The following AVL9 variants were observed in gnomAD, a reference collection of about 807,000 sequenced individuals.
AVL9 encodes AVL9 cell migration associated.
A neutral mutation model predicts 79.2 loss-of-function variants in AVL9; 49 were observed. The ratio of observed to expected loss-of-function variants is 0.62; its 90% CI spans 0.49 to 0.79. The LOEUF is 0.79. AVL9 is among the 30% of genes least tolerant of loss of function. AVL9 has a pLI of 0.00. For missense variants in AVL9, 682 were observed against 776.8 expected, an observed-to-expected ratio of 0.88 and a Z score of 1.45; for synonymous variants, 299 against 280.6, an observed-to-expected ratio of 1.07 and a Z score of -0.65.
At chr7:32,575,442 A>G (rs1791048095) in intron 12 of AVL9, among the ~76,000 whole-genome samples, 1 of 152,216 alleles carries the variant, frequency 6.6e-6, no homozygotes, top group South Asian at 2.1e-4. Context: ...AAATTCAAGA[A>G]TGAAACACCA....
intron 1 of AVL9, among the ~76,000 whole-genome samples, chr7:32,503,680 G>A (rs952788216): frequency 1.5e-5 from 2 of 134,814 alleles, no homozygotes; most frequent in Middle Eastern, 3.8e-3. Flanking sequence ...ATGGCTACAA[G>A]GTTCTTTTTT....
In AVL9 at chr7:32,495,655, CAG is replaced by C. The variant is rs1363096944; in HGVS notation, c.-53_-52del. ...GGCTTTCCGCACACGGTGGGGTCGTCAGACCCGCTGCCCTTGGCGGTCGAAGT... is the reference window on the plus strand; with the variant it reads ...GGCTTTCCGCACACGGTGGGGTCGTCACCCGCTGCCCTTGGCGGTCGAAGT... On this transcript the variant is annotated 5_prime_UTR_variant, in exon 1 of 16. Coordinates refer to ENST00000318709, the MANE Select transcript of AVL9 (RefSeq NM_015060.3). 1.7e-6 allele frequency: 2 copies of C among 1,193,720 alleles called. No homozygotes were observed. Among genetic ancestry groups the C allele is most frequent in the African/African-American group, 3.2e-5 (2 of 63,294 alleles). The allele number at this position is 1,193,720 out of a possible 1,614,324, so 73.9% of individuals were successfully genotyped here. A position where few individuals can be genotyped will look rare whatever the true frequency, so the allele number is the denominator to read the frequency against.
rs966773576 is a variant in AVL9, at chr7:32,553,847, G to C, written c.570+80G>C. ...CTGTTCTTAGTGTGCTCATTTAACT[G>C]CCAAATTCAGTGTGCTAAATTGAAT... On this transcript the variant is annotated intron_variant, in intron 7 of 15. Transcript: ENST00000318709. 7.8e-5 allele frequency: 76 copies of C among 979,670 alleles called. No individual in the cohort carries two copies. The East Asian group carries it at 1.8e-3, about 23-fold the overall frequency. The allele number at this position is 979,670 out of a possible 1,614,324, so 60.7% of individuals were successfully genotyped here.
chr7:32,513,493 C>T (rs1787772398), intron 1 of AVL9, among the ~76,000 whole-genome samples: 1 of 152,222 alleles, frequency 6.6e-6, no homozygotes, highest in African/African-American at 2.4e-5. Context: ...CTCTTTCAAC[C>T]AATTGCCAAT....
At position 32,558,924 on chromosome 7, in the gene AVL9, T is replaced by A; in HGVS notation, c.680-5T>A. On this transcript the variant is annotated splice_polypyrimidine_tract_variant and splice_region_variant and intron_variant, in intron 9 of 15. Coordinates refer to ENST00000318709, the MANE Select transcript of AVL9 (RefSeq NM_015060.3). ...CAAGCTGTTCTTTGATATTGCATATTTTAGGCATGATTGAACATGGTCTCA... is the reference window on the plus strand; with the variant it reads ...CAAGCTGTTCTTTGATATTGCATATATTAGGCATGATTGAACATGGTCTCA... 1.3e-6 allele frequency: 2 copies of A among 1,564,538 alleles called. No individual in the cohort carries two copies. Among genetic ancestry groups the A allele is most frequent in the Non-Finnish European group, 1.7e-6 (2 of 1,158,810 alleles).
chr7:32,580,069 G>T, intron 13 of AVL9, 150 bp from the exon 14 acceptor site: 1 of 622,690 alleles, frequency 1.6e-6, no homozygotes, highest in Non-Finnish European at 2.9e-6. Flanking sequence ...GTGGAGAGCT[G>T]TGACCAAAGC....
At position 32,559,411 on chromosome 7, in the gene AVL9, A is replaced by G. The variant is rs1262118712; in HGVS notation, c.1162A>G (p.Ile388Val). ...ACAGGTAGTCCTGATACCAGGGCTC[A>G]TTTCGGGTTTGGAAGAGGATCAGTA... is the stretch of plus-strand genomic sequence containing the variant. The part of the protein sequence containing the change: ...TGQVVLIPGL[I>V]SGLEEDQYGM... The change falls in exon 10 of 16, where the codon ATT becomes GTT. Residue 388 changes from isoleucine to valine, a missense_variant. By Grantham distance (29) the Ile-to-Val change is conservative. Transcript: ENST00000318709. 6.2e-7 allele frequency: 1 copy of G among 1,607,222 alleles called. No homozygotes were observed.
At position 32,585,526 on chromosome 7, in the gene AVL9, G is replaced by GAAAT. The variant is rs1331834982; in HGVS notation, c.*1621_*1624dup. Reference sequence around the variant, plus strand: ...CCTTTTAGTAACAAGGGATACTTGGGAAATACATTGTGAGTATGATCTATC... The same window carrying GAAAT: ...CCTTTTAGTAACAAGGGATACTTGGGAAATAAATACATTGTGAGTATGATCTATC... On this transcript the variant is annotated 3_prime_UTR_variant, in exon 16 of 16. Transcript: ENST00000318709. The GAAAT allele has an allele frequency of 6.6e-6, 1 of 152,198 alleles. No homozygotes were observed. The highest frequency in any genetic ancestry group is 2.4e-5 in the African/African-American group (1 of 41,440). 9.4% of individuals were successfully genotyped at this position (152,198 alleles called of 1,614,324 possible).
chr7:32,525,056 G>A (rs1014899505), intron 1 of AVL9, among the ~76,000 whole-genome samples: 2 of 152,142 alleles, frequency 1.3e-5, no homozygotes, highest in East Asian at 1.9e-4. Flanking sequence ...ATTCCACAGT[G>A]CCTGATGGTT....
chr7:32,568,090 C>G (rs1790661971), intron 10 of AVL9, among the ~76,000 whole-genome samples: 1 of 151,886 alleles, frequency 6.6e-6, no homozygotes, highest in Admixed American at 6.6e-5. Context: ...TTCTGGAACT[C>G]CTGGACTCAA....
intron 1 of AVL9, among the ~76,000 whole-genome samples, chr7:32,528,553 GAGT>G (rs1202937009): frequency 2.0e-5 from 3 of 152,086 alleles, no homozygotes; most frequent in African/African-American, 7.2e-5. Flanking sequence ...CACCAACCCT[GAGT>G]AGTCACCTAG....
chr7:32,528,208 C>T (rs116166008), intron 1 of AVL9, among the ~76,000 whole-genome samples: 1,697 of 152,240 alleles, frequency 0.011, 35 homozygotes, highest in African/African-American at 0.039. Flanking sequence ...CCCACGCCTT[C>T]GAGTTGTCTC....
At chr7:32,540,544 C>G (rs1164354225) in intron 1 of AVL9, among the ~76,000 whole-genome samples, 3 of 152,220 alleles carry the variant, frequency 2.0e-5, no homozygotes, top group African/African-American at 2.4e-5. Context: ...GAAGATGTAA[C>G]TGATGCCCAG....
chr7:32,549,167 A>G (rs1196874911), intron 4 of AVL9, among the ~76,000 whole-genome samples: 3 of 150,860 alleles, frequency 2.0e-5, no homozygotes, highest in Non-Finnish European at 4.4e-5. Context: ...GGTAGCTGAT[A>G]TATTTCATTT....
rs1791772926 is a variant in AVL9, at chr7:32,586,285, C to CG, written c.*2378_*2379insG. On this transcript the variant is annotated 3_prime_UTR_variant, in exon 16 of 16. Coordinates refer to ENST00000318709, the MANE Select transcript of AVL9 (RefSeq NM_015060.3). ...ACTTTACTGACTTTCCAACATAAAA[C>CG]AAGTATCTCAGAAGATACAACTTTC... The CG allele has an allele frequency of 6.6e-6, 1 of 152,180 alleles. No individual in the cohort carries two copies. Among genetic ancestry groups the CG allele is most frequent in the Non-Finnish European group, 1.5e-5 (1 of 68,040 alleles). The allele number at this position is 152,180 out of a possible 1,614,324, so 9.4% of individuals were successfully genotyped here.
chr7:32,553,833 G>T (rs1384853299), intron 7 of AVL9, 66 bp downstream of exon 7: 2 of 1,198,652 alleles, frequency 1.7e-6, no homozygotes, highest in African/African-American at 3.0e-5. Flanking sequence ...TGTTCTTAGT[G>T]TGCTCATTTA....
chr7:32,522,279 C>T (rs1583511686), intron 1 of AVL9, among the ~76,000 whole-genome samples: 1 of 152,152 alleles, frequency 6.6e-6, no homozygotes. Flanking sequence ...CACTCAACGC[C>T]AGCCCATGAA....
chr7:32,585,914 T>A lies in AVL9; in HGVS notation c.*2007T>A, dbSNP rs3173734. On this transcript the variant is annotated 3_prime_UTR_variant, in exon 16 of 16. Coordinates refer to ENST00000318709, the MANE Select transcript of AVL9 (RefSeq NM_015060.3). ...ACTATAAAGAATTCATTCTAACATCTTGTTTCATAAGGGCCACATCATTCG... is the reference window on the plus strand; with the variant it reads ...ACTATAAAGAATTCATTCTAACATCATGTTTCATAAGGGCCACATCATTCG... 1.4e-4 allele frequency: 21 copies of A among 152,022 alleles called. No individual in the cohort carries two copies. Among genetic ancestry groups the A allele is most frequent in the African/African-American group, 4.6e-4 (19 of 41,372 alleles). 9.4% of individuals were successfully genotyped at this position (152,022 alleles called of 1,614,324 possible). A position where few individuals can be genotyped will look rare whatever the true frequency, so the allele number is the denominator to read the frequency against.
chr7:32,560,794 T>C (rs1562789718), intron 10 of AVL9, among the ~76,000 whole-genome samples: 1 of 152,222 alleles, frequency 6.6e-6, no homozygotes, highest in Non-Finnish European at 1.5e-5. Flanking sequence ...ATGTGTTTCT[T>C]AAATAATAAG....
Sources: gnomAD v4.1 joint callset for allele counts (sites outside exome capture counted in the v4.1 genomes callset) on GRCh38, gnomAD v4.1.1 for gene constraint, MANE v1.5 for transcripts, NCBI Gene and HGNC (gene_info 2026-07-23, HGNC 2026-07-21) for gene names.